Variants in RPIA observed in about 807,000 individuals in gnomAD.
RPIA encodes ribose-5-phosphate isomerase.
In RPIA, 29 loss-of-function variants were observed where a neutral mutation model predicts 37.8. The observed-to-expected ratio is 0.77, with a 90% CI of 0.57 to 1.05. RPIA has a LOEUF of 1.05. RPIA is among the 50% of genes least tolerant of loss of function. The probability of loss-of-function intolerance (pLI) is 0.00; values close to 1 mark genes in which losing one functional copy is unlikely to be tolerated. For synonymous variants in RPIA, 167 were observed against 157.0 expected (o/e 1.06, Z -0.48); for missense variants, 385 against 413.6 (o/e 0.93, Z 0.60).
In RPIA at chr2:88,734,628, G is replaced by T. The variant is rs1257278715; in HGVS notation, c.527+12G>T. On this transcript the variant is annotated intron_variant, in intron 5 of 8. Transcript: ENST00000283646. Reference sequence around the variant, plus strand: ...ATCAAGGGTGGCGGGTGAGTGTTGTGGGGGCTTCTGTGCTAAAGAGTATCT... The same window carrying T: ...ATCAAGGGTGGCGGGTGAGTGTTGTTGGGGCTTCTGTGCTAAAGAGTATCT... 7 of 1,613,784 alleles carry T rather than the reference G, an allele frequency of 4.3e-6. No homozygotes were observed. The Admixed American group carries it at 1.2e-4, about 27-fold the overall frequency.
chr2:88,750,630 CGGTAT>C lies in RPIA; in HGVS notation c.*560_*564del. ...AGGTTTATAAAACTGTGGAGTGGAG[CGGTAT>C]GGTATGGAATGACTTGGAATGTAAG... On this transcript the variant is annotated 3_prime_UTR_variant, in exon 9 of 9. Transcript: ENST00000283646. 1 of 403,844 alleles carries C rather than the reference CGGTAT, an allele frequency of 2.5e-6. No homozygotes were observed. The allele number at this position is 403,844 out of a possible 1,614,324, so 25.0% of individuals were successfully genotyped here. A position where few individuals can be genotyped will look rare whatever the true frequency, so the allele number is the denominator to read the frequency against.
chr2:88,734,843 G>A (rs1306621718), intron 5 of RPIA, among the ~76,000 whole-genome samples: 2 of 152,084 alleles, frequency 1.3e-5, no homozygotes, highest in African/African-American at 4.8e-5. Context: ...TCATCGTAAT[G>A]GATTCTCTGT....
chr2:88,736,445 C>A, intron 6 of RPIA, 90 bp from the exon 7 acceptor site: 1 of 1,413,960 alleles, frequency 7.1e-7, no homozygotes, highest in Non-Finnish European at 1.0e-6. Flanking sequence ...GCCTTCCCAC[C>A]ATCTCATTAA....
At position 88,736,694 on chromosome 2, in the gene RPIA, GC is replaced by G. The variant is rs1673320075; in HGVS notation, c.738+20del. On this transcript the variant is annotated intron_variant, in intron 7 of 8. Coordinates refer to ENST00000283646, the MANE Select transcript of RPIA (RefSeq NM_144563.3). The stretch of plus-strand genomic sequence containing the variant: ...ACAAGGCTGTGAGTGGCCTGGTTGG[GC>G]CGGGGGTGTGCTGGGTGCACTCAGG... 6.2e-7 allele frequency: 1 copy of G among 1,605,502 alleles called. No homozygotes were observed. The highest frequency in any genetic ancestry group is 1.7e-5 in the Admixed American group (1 of 59,900).
chr2:88,712,976 C>A (rs1263912056), intron 3 of RPIA, among the ~76,000 whole-genome samples: 3 of 151,584 alleles, frequency 2.0e-5, no homozygotes, highest in Non-Finnish European at 4.4e-5. Context: ...TCAAGTGATT[C>A]TCCTGCCTCA....
intron 3 of RPIA, among the ~76,000 whole-genome samples, chr2:88,713,770 T>C (rs1389807098): frequency 6.6e-6 from 1 of 152,238 alleles, no homozygotes; most frequent in Non-Finnish European, 1.5e-5. Context: ...ATTTTGTCCC[T>C]TTGCTTCATT....
At chr2:88,725,318 A>G (rs778334638) in intron 3 of RPIA, among the ~76,000 whole-genome samples, 2 of 151,754 alleles carry the variant, frequency 1.3e-5, no homozygotes, top group Non-Finnish European at 2.9e-5. Flanking sequence ...GGCTGCCATA[A>G]CAAGGTTCCA....
At chr2:88,733,103 A>C (rs1673267103) in intron 4 of RPIA, among the ~76,000 whole-genome samples, 1 of 152,126 alleles carries the variant, frequency 6.6e-6, no homozygotes, top group Admixed American at 6.5e-5. Flanking sequence ...TTTTTTGGGA[A>C]GAGGTAAAGT....
intron 3 of RPIA, among the ~76,000 whole-genome samples, chr2:88,718,246 A>G (rs1280355184): frequency 6.6e-6 from 1 of 152,188 alleles, no homozygotes; most frequent in East Asian, 1.9e-4. Flanking sequence ...ATTTTTCTCT[A>G]GTTTCCCATT....
At chr2:88,708,982 T>G (rs1672930205) in intron 3 of RPIA, among the ~76,000 whole-genome samples, 1 of 152,164 alleles carries the variant, frequency 6.6e-6, no homozygotes, top group African/African-American at 2.4e-5. Flanking sequence ...GGTCTCCATC[T>G]CTTGACCTTG....
At position 88,713,120 on chromosome 2, in the gene RPIA, A is replaced by ATTT. The variant is rs1553420200; in HGVS notation, c.402+13070_402+13072dup. On this transcript the variant is annotated intron_variant, in intron 3 of 8. Coordinates refer to ENST00000283646, the MANE Select transcript of RPIA (RefSeq NM_144563.3). ...TCTGAATATATATATATATATATATATTTTTTTTTTTTTTTTCAAGCTACG... is the reference window on the plus strand; with the variant it reads ...TCTGAATATATATATATATATATATATTTTTTTTTTTTTTTTTTTCAAGCTACG... 3.8e-4 allele frequency among the ~76,000 whole-genome samples: 25 copies of ATTT among 65,290 alleles called. 1 individual carries two copies. The highest frequency in any genetic ancestry group is 1.7e-3 in the African/African-American group (22 of 12,614). 42.8% of individuals were successfully genotyped at this position (65,290 alleles called of 152,430 possible). A position where few individuals can be genotyped will look rare whatever the true frequency, so the allele number is the denominator to read the frequency against.
At chr2:88,733,259 G>A (rs1472882516) in intron 4 of RPIA, among the ~76,000 whole-genome samples, 2 of 152,172 alleles carry the variant, frequency 1.3e-5, no homozygotes, top group Non-Finnish European at 2.9e-5. Flanking sequence ...AGTGTACTGC[G>A]TTGGTGCATA....
chr2:88,704,518 G>C (rs1049630325), intron 3 of RPIA, among the ~76,000 whole-genome samples: 1 of 152,136 alleles, frequency 6.6e-6, no homozygotes, highest in African/African-American at 2.4e-5. Context: ...GGAGGAAACT[G>C]CCCTCATGAT....
intron 8 of RPIA, among the ~76,000 whole-genome samples, chr2:88,742,875 A>AT (rs1297497155): frequency 2.0e-5 from 3 of 152,084 alleles, no homozygotes; most frequent in Non-Finnish European, 4.4e-5. Flanking sequence ...AGTGCCACTG[A>AT]TTTGTGCACA....
chr2:88,746,855 C>T (rs1673443580), intron 8 of RPIA, among the ~76,000 whole-genome samples: 2 of 152,042 alleles, frequency 1.3e-5, no homozygotes, highest in South Asian at 2.1e-4. Flanking sequence ...TGTTCTGTTA[C>T]GAGTTTCTGT....
At chr2:88,699,887 G>T in intron 2 of RPIA, 122 bp from the exon 3 acceptor site, 1 of 997,570 alleles carries the variant, frequency 1.0e-6, no homozygotes, top group Admixed American at 1.9e-5. Context: ...GACACAGGAT[G>T]AAAGGCAGCT....
intron 8 of RPIA, among the ~76,000 whole-genome samples, chr2:88,741,429 G>T (rs767855026): frequency 5.3e-5 from 8 of 152,120 alleles, no homozygotes; most frequent in Admixed American, 2.0e-4. Flanking sequence ...CATGGTGTGT[G>T]TGTGTATGTG....
chr2:88,727,495 C>A (rs1673213593), intron 3 of RPIA, among the ~76,000 whole-genome samples: 1 of 152,146 alleles, frequency 6.6e-6, no homozygotes, highest in Non-Finnish European at 1.5e-5. Flanking sequence ...TTTTGTCACC[C>A]AGGTGTTAAG....
At chr2:88,720,427 G>A (rs1442442408) in intron 3 of RPIA, among the ~76,000 whole-genome samples, 5 of 151,876 alleles carry the variant, frequency 3.3e-5, no homozygotes, top group Admixed American at 2.6e-4. Flanking sequence ...TTAGCATCAG[G>A]CCACAACAAA....
Sources: allele counts gnomAD v4.1 joint callset (sites outside exome capture counted in the v4.1 genomes callset), GRCh38; gene constraint gnomAD v4.1.1; transcripts MANE v1.5; gene names NCBI Gene and HGNC (gene_info 2026-07-23, HGNC 2026-07-21).